CNTN3: variants seen among roughly 807,000 people sequenced by gnomAD.
CNTN3 encodes the protein contactin-3.
CNTN3 carries 60 observed loss-of-function variants against 119.1 expected under a neutral mutation model. The observed-to-expected ratio is 0.50, with a 90% CI of 0.41 to 0.62. CNTN3 has a LOEUF of 0.62. CNTN3 is among the 20% of genes least tolerant of loss of function. The pLI is 0.00. For synonymous variants in CNTN3, 450 were observed against 438.7 expected, an observed-to-expected ratio of 1.03 and a Z score of -0.32; for missense variants, 1,101 against 1,242.4, an observed-to-expected ratio of 0.89 and a Z score of 1.71.
chr3:74,345,644 G>A (rs755754680), intron 11 of CNTN3, among the ~76,000 whole-genome samples: 4 of 152,094 alleles, frequency 2.6e-5, no homozygotes, highest in Non-Finnish European at 5.9e-5. Context: ...AGTATGAGGA[G>A]TATAAGTAGT....
rs542066454 is a variant in CNTN3, at chr3:74,539,518, C to T, written c.-80-18326G>A. Reference sequence around the variant, plus strand: ...CAGTGGAATCTTAGAATTTGAGCTGCTATGTTTCCACCTCCTGAAATAGCC... The same window carrying T: ...CAGTGGAATCTTAGAATTTGAGCTGTTATGTTTCCACCTCCTGAAATAGCC... On this transcript the variant is annotated intron_variant, in intron 1 of 22. Coordinates refer to ENST00000263665, the MANE Select transcript of CNTN3 (RefSeq NM_020872.3). Among the ~76,000 whole-genome samples the T allele has an allele frequency of 2.6e-5, 4 of 152,112 alleles. No homozygotes were observed. The South Asian group carries it at 8.3e-4, about 32-fold the overall frequency.
In CNTN3 at chr3:74,577,626, C is replaced by T. The variant is rs75583543; in HGVS notation, c.-81+36765G>A. On this transcript the variant is annotated intron_variant, in intron 1 of 22. Coordinates refer to ENST00000263665, the MANE Select transcript of CNTN3 (RefSeq NM_020872.3). Reference sequence around the variant, plus strand: ...TTCACCCAAAACAGAAAGCCATATCCGTTCTTGATTAGTAGCATTTGCAAC... The same window carrying T: ...TTCACCCAAAACAGAAAGCCATATCTGTTCTTGATTAGTAGCATTTGCAAC... 1.8e-4 allele frequency among the ~76,000 whole-genome samples: 28 copies of T among 152,046 alleles called. No individual in the cohort carries two copies. In the East Asian group the frequency reaches 4.2e-3, roughly 23 times the overall value.
At chr3:74,452,459 A>T (rs992120949) in intron 4 of CNTN3, among the ~76,000 whole-genome samples, 4 of 148,228 alleles carry the variant, frequency 2.7e-5, no homozygotes, top group African/African-American at 1.0e-4. Context: ...TGTCATCTGC[A>T]AACAGGGACA....
intron 4 of CNTN3, among the ~76,000 whole-genome samples, chr3:74,465,988 A>T (rs1702453656): frequency 6.6e-6 from 1 of 152,180 alleles, no homozygotes; most frequent in African/African-American, 2.4e-5. Flanking sequence ...AGCTAGGACT[A>T]TAGCCAATTT....
chr3:74,540,663 G>A (rs1182231609), intron 1 of CNTN3, among the ~76,000 whole-genome samples: 3 of 152,110 alleles, frequency 2.0e-5, no homozygotes, highest in Non-Finnish European at 4.4e-5. Flanking sequence ...TGACATATTG[G>A]TAGAAGGTCC....
At chr3:74,347,242 C>G (rs971661393) in intron 11 of CNTN3, among the ~76,000 whole-genome samples, 3 of 152,198 alleles carry the variant, frequency 2.0e-5, no homozygotes, top group Non-Finnish European at 4.4e-5. Context: ...TCAGCTGCCA[C>G]TACTGTGACC....
chr3:74,333,396 G>C (rs1703314110), intron 13 of CNTN3, among the ~76,000 whole-genome samples: 1 of 152,202 alleles, frequency 6.6e-6, no homozygotes, highest in Admixed American at 6.5e-5. Flanking sequence ...AAATCTCTAA[G>C]GGGAAATTCT....
At chr3:74,536,447 A>G (rs1250738773) in intron 1 of CNTN3, among the ~76,000 whole-genome samples, 2 of 152,162 alleles carry the variant, frequency 1.3e-5, no homozygotes, top group Non-Finnish European at 2.9e-5. Context: ...AGATCACACA[A>G]TAGTAATCAA....
At chr3:74,422,274 T>C (rs931355978) in intron 5 of CNTN3, among the ~76,000 whole-genome samples, 6 of 152,174 alleles carry the variant, frequency 3.9e-5, no homozygotes. Flanking sequence ...AATCTGGAAC[T>C]GAGGGAAGTA....
intron 4 of CNTN3, among the ~76,000 whole-genome samples, chr3:74,447,353 T>C (rs1702067388): frequency 6.6e-6 from 1 of 152,158 alleles, no homozygotes; most frequent in Non-Finnish European, 1.5e-5. Flanking sequence ...ACTCTCCAAT[T>C]TCCTGCTATT....
chr3:74,520,173 A>G (rs1703519414), intron 2 of CNTN3, among the ~76,000 whole-genome samples: 1 of 148,816 alleles, frequency 6.7e-6, no homozygotes, highest in South Asian at 2.1e-4. Context: ...TGAGTATTAA[A>G]TTTTAGGAGT....
chr3:74,371,661 T>C (rs1001712879), intron 5 of CNTN3, among the ~76,000 whole-genome samples: 3 of 152,142 alleles, frequency 2.0e-5, no homozygotes, highest in African/African-American at 7.2e-5. Context: ...TCTAACAAGC[T>C]TCTCTGGTCT....
chr3:74,334,891 CAA>C lies in CNTN3; in HGVS notation c.1510_1511del (p.Leu504GlyfsTer4). On this transcript the variant is annotated frameshift_variant, in exon 13 of 23. Coordinates refer to ENST00000263665, the MANE Select transcript of CNTN3 (RefSeq NM_020872.3). LOFTEE classifies it high-confidence loss of function. ...LVVTEPTRIT[L>X]APSNMDVSVG... ...CAGAAACATCCATGTTAGATGGTGC[CAA>C]AGTTATTCTTGTTGGTTCTATTGGG... The C allele has an allele frequency of 6.2e-7, 1 of 1,609,194 alleles. No individual in the cohort carries two copies. Among genetic ancestry groups the C allele is most frequent in the Non-Finnish European group, 8.5e-7 (1 of 1,178,364 alleles).
rs530526969 is a variant in CNTN3, at chr3:74,605,123, G to C, written c.-81+9268C>G. Among the ~76,000 whole-genome samples the C allele has an allele frequency of 3.2e-3, 482 of 152,242 alleles. 3 individuals carry two copies. The highest frequency in any genetic ancestry group is 0.01 in the Middle Eastern group (3 of 294). ...AATCATAGAAGTAGAGAATAGAATG[G>C]TGGTTACCAGGGGGGTGAGGAGGGA... On this transcript the variant is annotated intron_variant, in intron 1 of 22. Transcript: ENST00000263665.
At chr3:74,315,763 G>A (rs1363914950) in intron 13 of CNTN3, among the ~76,000 whole-genome samples, 5 of 152,120 alleles carry the variant, frequency 3.3e-5, no homozygotes, top group Non-Finnish European at 7.4e-5. Context: ...TTCATATGCA[G>A]AAGAATGAAG....
At chr3:74,420,167 C>T (rs750301430) in intron 5 of CNTN3, among the ~76,000 whole-genome samples, 9 of 152,202 alleles carry the variant, frequency 5.9e-5, no homozygotes, top group Non-Finnish European at 1.5e-5. Context: ...AGAACCCTCT[C>T]AGATGACAGC....
chr3:74,288,159 C>CTTTTT (rs3084509), intron 19 of CNTN3, among the ~76,000 whole-genome samples: 142 of 90,320 alleles, frequency 1.6e-3, no homozygotes, highest in Non-Finnish European at 1.7e-3. Context: ...CTTTTCTTTT[C>CTTTTT]TTTTTTTTTT....
At chr3:74,420,115 A>T (rs1230228833) in intron 5 of CNTN3, among the ~76,000 whole-genome samples, 1 of 152,198 alleles carries the variant, frequency 6.6e-6, no homozygotes, top group East Asian at 1.9e-4. Flanking sequence ...GAAAGCAATG[A>T]CTGGGAGGTG....
intron 11 of CNTN3, among the ~76,000 whole-genome samples, chr3:74,348,135 C>T (rs975411108): frequency 6.6e-6 from 1 of 152,104 alleles, no homozygotes; most frequent in Admixed American, 6.6e-5. Flanking sequence ...TAGTTAATTG[C>T]ACTGTATTAT....
Sources: allele counts gnomAD v4.1 joint callset (sites outside exome capture counted in the v4.1 genomes callset), GRCh38; gene constraint gnomAD v4.1.1; transcripts MANE v1.5; gene names NCBI Gene and HGNC (gene_info 2026-07-23, HGNC 2026-07-21).